Variants in GLIS1 observed in about 807,000 individuals in gnomAD.
The protein encoded by GLIS1 is zinc finger protein GLIS1.
In GLIS1, 24 loss-of-function variants were observed where a neutral mutation model predicts 63.8. The observed-to-expected ratio is 0.38, with a 90% confidence interval of 0.27 to 0.53. The LOEUF (loss-of-function observed/expected upper bound fraction) is 0.53. Among genes scored for constraint, GLIS1 ranks in the 20% least tolerant of loss-of-function variants. GLIS1 has a pLI of 0.85. For missense variants in GLIS1, 1,036 were observed against 1,074.1 expected (o/e 0.96, Z 0.50); for synonymous variants, 450 against 482.5 (o/e 0.93, Z 0.88).
chr1:53,600,006 T>G (rs1477487318), intron 3 of GLIS1, 95 bp downstream of exon 3: 4 of 680,404 alleles, frequency 5.9e-6, no homozygotes, highest in Non-Finnish European at 8.3e-6. Flanking sequence ...CATTTCCCCA[T>G]GTGTCCCCCC....
rs1646307613 is a variant in GLIS1, at chr1:53,684,319, G to A, written c.259+53487C>T. 2.0e-5 allele frequency among the ~76,000 whole-genome samples: 3 copies of A among 152,194 alleles called. No homozygotes were observed. The South Asian group carries it at 6.2e-4, about 31-fold the overall frequency. ...AGAAGGTGTTGTGTATTTATGGAATGTGTGAACCAAATTCAGCCGATTTTC... is the reference window on the plus strand; with the variant it reads ...AGAAGGTGTTGTGTATTTATGGAATATGTGAACCAAATTCAGCCGATTTTC... On this transcript the variant is annotated intron_variant, in intron 2 of 10. Transcript: ENST00000628545.
At chr1:53,518,012 G>T (rs985649636) in intron 7 of GLIS1, among the ~76,000 whole-genome samples, 1 of 152,356 alleles carries the variant, frequency 6.6e-6, no homozygotes, top group African/African-American at 2.4e-5. Flanking sequence ...ACTTCAGGCT[G>T]TAAAGCTGTG....
intron 4 of GLIS1, among the ~76,000 whole-genome samples, chr1:53,538,410 A>G (rs1377605507): frequency 6.6e-6 from 1 of 152,148 alleles, no homozygotes; most frequent in South Asian, 2.1e-4. Flanking sequence ...CCATCTCACT[A>G]ATCCTGCAAC....
At chr1:53,638,915 A>G (rs970770424) in intron 2 of GLIS1, among the ~76,000 whole-genome samples, 1 of 152,088 alleles carries the variant, frequency 6.6e-6, no homozygotes, top group South Asian at 2.1e-4. Flanking sequence ...TCAGACAATC[A>G]CAGTCCCTCT....
chr1:53,674,179 A>C (rs2100405725), intron 2 of GLIS1, among the ~76,000 whole-genome samples: 1 of 151,916 alleles, frequency 6.6e-6, no homozygotes, highest in Non-Finnish European at 1.5e-5. Context: ...CTCAAAAAAA[A>C]AAAAAAAAAA....
Position 53,560,571 on chromosome 1 carries a change from T to C in GLIS1, c.1321-30619A>G, listed in dbSNP as rs6668873. On this transcript the variant is annotated intron_variant, in intron 4 of 10. Transcript: ENST00000628545. This position sits in a 1 kb window ranked among gnomAD's most constrained non-coding sequence, Gnocchi z 4.4. ...GTGGTCGGGAGGGCAGAGCGGGCTATAGGTGAGACTGAAGACAGGCCCCTA... is the reference window on the plus strand; with the variant it reads ...GTGGTCGGGAGGGCAGAGCGGGCTACAGGTGAGACTGAAGACAGGCCCCTA... Among the ~76,000 whole-genome samples, 8,055 of 152,250 alleles carry C rather than the reference T, an allele frequency of 0.053. 703 individuals carry two copies. Among genetic ancestry groups the C allele is most frequent in the African/African-American group, 0.19 (7,693 of 41,532 alleles).
intron 4 of GLIS1, among the ~76,000 whole-genome samples, chr1:53,571,279 A>G (rs1190642674): frequency 6.6e-6 from 1 of 152,234 alleles, no homozygotes; most frequent in Non-Finnish European, 1.5e-5. Context: ...CAGGACTTCA[A>G]TATGCTGTAG....
At chr1:53,547,778 T>C (rs1644719532) in intron 4 of GLIS1, among the ~76,000 whole-genome samples, 1 of 152,220 alleles carries the variant, frequency 6.6e-6, no homozygotes, top group Non-Finnish European at 1.5e-5. Flanking sequence ...GAGCCAAGCC[T>C]GGCTGTCAGC....
chr1:53,594,215 T>C lies in GLIS1; in HGVS notation c.1213A>G (p.Thr405Ala). The stretch of plus-strand genomic sequence containing the variant: ...CGCACGCAGCCAGCCCAGAAGCAGG[T>C]GAAGTCCTCGCCCTTGCGCTGGTCG... ...HIDQRKGEDF[T>A]CFWAGCVRRY... The change falls in exon 4 of 11, where the codon ACC becomes GCC. Residue 405 changes from threonine (T) to alanine (A), a missense_variant. Physicochemically the swap from Thr to Ala is moderately conservative, Grantham distance 58. Transcript: ENST00000628545. The C allele has an allele frequency of 2.5e-6, 4 of 1,613,900 alleles. No individual in the cohort carries two copies. The Middle Eastern group carries it at 4.9e-4, about 200-fold the overall frequency.
At chr1:53,607,224 C>A (rs1275812896) in intron 2 of GLIS1, among the ~76,000 whole-genome samples, 1 of 152,218 alleles carries the variant, frequency 6.6e-6, no homozygotes, top group East Asian at 1.9e-4. Context: ...TTCTATGCAT[C>A]TATATACATT....
intron 2 of GLIS1, among the ~76,000 whole-genome samples, chr1:53,640,598 A>G (rs985655984): frequency 6.6e-6 from 1 of 152,148 alleles, no homozygotes; most frequent in African/African-American, 2.4e-5. Context: ...AGCACCTGCT[A>G]TGTGCTGGCC....
chr1:53,649,552 A>G (rs1645884141), intron 2 of GLIS1, among the ~76,000 whole-genome samples: 1 of 152,220 alleles, frequency 6.6e-6, no homozygotes, highest in South Asian at 2.1e-4. Flanking sequence ...ACCCATATGA[A>G]CTGCCACTGG....
At chr1:53,611,772 T>G (rs1266876395) in intron 2 of GLIS1, among the ~76,000 whole-genome samples, 2 of 152,226 alleles carry the variant, frequency 1.3e-5, no homozygotes, top group Non-Finnish European at 2.9e-5. Flanking sequence ...ACTTCACATT[T>G]GTCTTCCTAG....
chr1:53,690,573 G>A (rs1334696714), intron 2 of GLIS1, among the ~76,000 whole-genome samples: 2 of 152,180 alleles, frequency 1.3e-5, no homozygotes, highest in Non-Finnish European at 2.9e-5. Context: ...ACGCTGTGGC[G>A]CAGCCTGCGC....
Position 53,574,267 on chromosome 1 carries a change from G to C in GLIS1, c.1320+19841C>G, listed in dbSNP as rs562259365. 1.1e-4 allele frequency among the ~76,000 whole-genome samples: 16 copies of C among 152,288 alleles called. No homozygotes were observed. The South Asian group carries it at 3.3e-3, about 32-fold the overall frequency. On this transcript the variant is annotated intron_variant, in intron 4 of 10. Coordinates refer to ENST00000628545, the MANE Select transcript of GLIS1 (RefSeq NM_001367484.1). The surrounding 1 kb of genome is among the most constrained non-coding windows in gnomAD (Gnocchi z 4.2). The stretch of plus-strand genomic sequence containing the variant: ...GCTTCCCCTGCCACTGCCCCATCCA[G>C]CCTGCCTTCACCTCAGGTCCCATTC...
intron 2 of GLIS1, among the ~76,000 whole-genome samples, chr1:53,640,842 C>T (rs1004319878): frequency 3.9e-5 from 6 of 152,172 alleles, no homozygotes; most frequent in African/African-American, 9.7e-5. Context: ...CACACACACA[C>T]GCTCATGCTT....
intron 2 of GLIS1, among the ~76,000 whole-genome samples, chr1:53,649,863 C>T (rs1156577173): frequency 1.3e-5 from 2 of 152,034 alleles, no homozygotes; most frequent in South Asian, 2.1e-4. Context: ...TTATGTTATC[C>T]GTAAGGCTTC....
chr1:53,579,802 G>A (rs551963719), intron 4 of GLIS1, among the ~76,000 whole-genome samples: 28 of 152,318 alleles, frequency 1.8e-4, no homozygotes, highest in Middle Eastern at 6.8e-3. Flanking sequence ...CAGGGCAATC[G>A]CCTGCCCTGG....
At chr1:53,595,838 G>A (rs1645250208) in intron 3 of GLIS1, among the ~76,000 whole-genome samples, 1 of 152,232 alleles carries the variant, frequency 6.6e-6, no homozygotes, top group South Asian at 2.1e-4. Context: ...GTGCAGTCCT[G>A]GTGGGGGTGT....
Sources: allele counts gnomAD v4.1 joint callset (sites outside exome capture counted in the v4.1 genomes callset), GRCh38; gene constraint gnomAD v4.1.1; non-coding constraint Gnocchi (gnomAD v3.1); transcripts MANE v1.5; gene names NCBI Gene and HGNC (gene_info 2026-07-23, HGNC 2026-07-21).